The following ME3 variants were observed in gnomAD, a reference collection of about 807,000 sequenced individuals.
ME3 encodes NADP-dependent malic enzyme, mitochondrial.
ME3 carries 48 observed loss-of-function variants against 68.9 expected under a neutral mutation model. The ratio of observed to expected loss-of-function variants is 0.70; its 90% CI spans 0.55 to 0.89. ME3 has a LOEUF of 0.89. Among genes scored for constraint, ME3 ranks in the 40% least tolerant of loss-of-function variants. The pLI is 0.00. For synonymous variants in ME3, 320 were observed against 318.8 expected (o/e 1.00, Z -0.04); for missense variants, 675 against 797.4 (o/e 0.85, Z 1.85).
chr11:86,470,502 T>G (rs868811663), intron 7 of ME3, among the ~76,000 whole-genome samples: 2 of 152,144 alleles, frequency 1.3e-5, no homozygotes, highest in South Asian at 2.1e-4. Context: ...TAGAGAGAGG[T>G]TCTGTGGTTA....
At chr11:86,659,681 G>A (rs996482740) in intron 2 of ME3, among the ~76,000 whole-genome samples, 5 of 152,194 alleles carry the variant, frequency 3.3e-5, no homozygotes, top group Admixed American at 2.0e-4. Context: ...GCTGGGTGAA[G>A]TTGGCCCAGC....
chr11:86,609,198 C>A (rs753201276), intron 2 of ME3, among the ~76,000 whole-genome samples: 81 of 152,174 alleles, frequency 5.3e-4, no homozygotes, highest in Non-Finnish European at 9.3e-4. Context: ...GCTTTCTCAT[C>A]AGAGGTGCAG....
In ME3 at chr11:86,534,073, GTGTGTGTGTATATATATA is replaced by G. The variant is rs1368570287; in HGVS notation, c.467+22462_467+22479del. On this transcript the variant is annotated intron_variant, in intron 4 of 14. Coordinates refer to ENST00000543262, the Ensembl canonical transcript of ME3. ...AAAGTATGGTAAAAATGAGGTGTGT[GTGTGTGTGTATATATATA>G]TATATATATATATATATATGTAAAA... Among the ~76,000 whole-genome samples the G allele has an allele frequency of 2.7e-4, 20 of 74,410 alleles. No homozygotes were observed. In the East Asian group the frequency reaches 4.3e-3, roughly 16 times the overall value. 48.8% of individuals were successfully genotyped at this position (74,410 alleles called of 152,430 possible). A position where few individuals can be genotyped will look rare whatever the true frequency, so the allele number is the denominator to read the frequency against.
chr11:86,641,584 T>TAG (rs1360366680), intron 2 of ME3, among the ~76,000 whole-genome samples: 1 of 152,224 alleles, frequency 6.6e-6, no homozygotes, highest in African/African-American at 2.4e-5. Context: ...AAAACCACTA[T>TAG]AGTTATACTA....
chr11:86,525,567 T>C (rs1417982706), intron 4 of ME3, among the ~76,000 whole-genome samples: 1 of 151,430 alleles, frequency 6.6e-6, no homozygotes, highest in African/African-American at 2.4e-5. Flanking sequence ...AGTTCACCTT[T>C]AAGAACACAC....
intron 2 of ME3, among the ~76,000 whole-genome samples, chr11:86,641,114 T>C (rs1944647051): frequency 1.3e-5 from 2 of 151,920 alleles, no homozygotes. Flanking sequence ...AAATTAAGTA[T>C]AGTTTTTACT....
intron 5 of ME3, among the ~76,000 whole-genome samples, chr11:86,500,234 C>T (rs1952628685): frequency 2.6e-5 from 4 of 152,216 alleles, no homozygotes; most frequent in Middle Eastern, 3.2e-3. Flanking sequence ...GAATCCTTCT[C>T]TGTGCTGAAG....
At chr11:86,602,509 C>G (rs1366983358) in intron 2 of ME3, among the ~76,000 whole-genome samples, 1 of 151,934 alleles carries the variant, frequency 6.6e-6, no homozygotes, top group African/African-American at 2.4e-5. Flanking sequence ...GAATCAATAT[C>G]GTGAAAATGG....
chr11:86,480,614 C>G (rs1951346952), intron 7 of ME3, among the ~76,000 whole-genome samples: 1 of 152,190 alleles, frequency 6.6e-6, no homozygotes, highest in African/African-American at 2.4e-5. Context: ...CCAACATGTG[C>G]CTGCTTGTGG....
chr11:86,612,305 T>C (rs1256628544), intron 2 of ME3, among the ~76,000 whole-genome samples: 4 of 152,224 alleles, frequency 2.6e-5, no homozygotes, highest in Non-Finnish European at 5.9e-5. Flanking sequence ...CTTTATCCAG[T>C]CTATCATTGA....
intron 2 of ME3, among the ~76,000 whole-genome samples, chr11:86,597,027 A>G (rs1959602577): frequency 1.3e-5 from 2 of 152,360 alleles, no homozygotes; most frequent in South Asian, 4.1e-4. Context: ...AGCAAAAGAC[A>G]GAGGCCCTGG....
chr11:86,615,299 A>G (rs1942879709), intron 2 of ME3, among the ~76,000 whole-genome samples: 1 of 152,190 alleles, frequency 6.6e-6, no homozygotes, highest in African/African-American at 2.4e-5. Flanking sequence ...CAGGATTCTG[A>G]AACTTCTGGT....
intron 6 of ME3, among the ~76,000 whole-genome samples, chr11:86,490,553 T>A (rs1397883514): frequency 6.6e-6 from 1 of 152,170 alleles, no homozygotes; most frequent in Admixed American, 6.5e-5. Flanking sequence ...TTAAAATTGG[T>A]GGTTTTAAGA....
At chr11:86,529,899 C>A (rs1298414423) in intron 4 of ME3, among the ~76,000 whole-genome samples, 1 of 152,130 alleles carries the variant, frequency 6.6e-6, no homozygotes, top group South Asian at 2.1e-4. Context: ...GCCAATATTA[C>A]ACTGAATGGG....
rs765524984 is a variant in ME3 at position 86,446,461 on chromosome 11, A to G, written c.1407T>C (p.Ser469=). 12 of 1,614,074 alleles carry G rather than the reference A, an allele frequency of 7.4e-6. No individual in the cohort carries two copies. In the Admixed American group the frequency reaches 1.8e-4, roughly 25 times the overall value. ...CTTCCAGAGTCACACTCTTAAAAGG[A>G]CTTCCACTGGCAAAAATCCCTCGGC... is the stretch of plus-strand genomic sequence containing the variant. The change falls in exon 13 of 15, where the codon AGT becomes AGC. Residue 469 remains serine (S), a synonymous_variant. Coordinates refer to ENST00000543262, the Ensembl canonical transcript of ME3.
chr11:86,599,701 G>C (rs1960243408), intron 2 of ME3, among the ~76,000 whole-genome samples: 1 of 152,196 alleles, frequency 6.6e-6, no homozygotes, highest in Non-Finnish European at 1.5e-5. Context: ...CAGCCAGAGA[G>C]AAAGGCCAGG....
intron 4 of ME3, among the ~76,000 whole-genome samples, chr11:86,540,027 A>G (rs1210099386): frequency 1.3e-5 from 2 of 152,196 alleles, no homozygotes; most frequent in Admixed American, 1.3e-4. Flanking sequence ...CATACCCTAA[A>G]TGACTCAGTA....
intron 4 of ME3, among the ~76,000 whole-genome samples, chr11:86,539,004 A>C (rs187093622): frequency 6.6e-6 from 1 of 152,324 alleles, no homozygotes; most frequent in East Asian, 1.9e-4. Context: ...ACTGACAAGG[A>C]ACCACAACAC....
chr11:86,561,971 A>G (rs1184737880), intron 2 of ME3, among the ~76,000 whole-genome samples: 2 of 152,176 alleles, frequency 1.3e-5, no homozygotes, highest in Admixed American at 6.5e-5. Context: ...TATGCTGTAA[A>G]GTTCTATGGG....
Sources: allele counts gnomAD v4.1 joint callset (sites outside exome capture counted in the v4.1 genomes callset), GRCh38; gene constraint gnomAD v4.1.1; transcripts MANE v1.5; gene names NCBI Gene and HGNC (gene_info 2026-07-23, HGNC 2026-07-21).